DNAH7: variants seen among roughly 807,000 people sequenced by gnomAD.
The protein encoded by DNAH7 is axonemal beta dynein heavy chain 7.
Under a neutral mutation model 444.6 loss-of-function variants are expected in DNAH7, and 397 were observed. The ratio of observed to expected loss-of-function variants is 0.89; its 90% CI spans 0.82 to 0.97. The LOEUF is 0.97. Ranked by LOEUF, DNAH7 falls within the 50% of genes least tolerant of loss-of-function variation. The probability of loss-of-function intolerance (pLI) is 0.00; values close to 1 mark genes in which losing one functional copy is unlikely to be tolerated. For synonymous variants in DNAH7, 1,636 were observed against 1,624.4 expected, an observed-to-expected ratio of 1.01 and a Z score of -0.17; for missense variants, 4,902 against 4,800.8, an observed-to-expected ratio of 1.02 and a Z score of -0.62.
chr2:195,908,507 C>T (rs1433132275), intron 25 of DNAH7, among the ~76,000 whole-genome samples: 2 of 152,100 alleles, frequency 1.3e-5, no homozygotes, highest in African/African-American at 4.8e-5. Context: ...TTAGCGCCCA[C>T]TTATGAGTGA....
intron 19 of DNAH7, among the ~76,000 whole-genome samples, chr2:195,939,279 T>C (rs1040842238): frequency 1.3e-5 from 2 of 152,146 alleles, no homozygotes; most frequent in African/African-American, 4.8e-5. Context: ...CCATGTTTTA[T>C]GGAGTTAAAA....
chr2:195,940,192 A>G (rs1234852378), intron 19 of DNAH7, among the ~76,000 whole-genome samples: 1 of 152,212 alleles, frequency 6.6e-6, no homozygotes, highest in African/African-American at 2.4e-5. Flanking sequence ...CCAATGGAAC[A>G]GAACAGAGAC....
At chr2:195,964,937 A>C (rs1398610671) in intron 17 of DNAH7, among the ~76,000 whole-genome samples, 1 of 151,478 alleles carries the variant, frequency 6.6e-6, no homozygotes, top group Non-Finnish European at 1.5e-5. Context: ...CTTCCTTTCC[A>C]GTTTGGATGC....
intron 17 of DNAH7, among the ~76,000 whole-genome samples, chr2:195,961,694 GA>G (rs1691118628): frequency 2.0e-5 from 3 of 152,098 alleles, no homozygotes; most frequent in Admixed American, 6.6e-5. Context: ...CATATATAAA[GA>G]AAGAGTTTTT....
intron 63 of DNAH7, among the ~76,000 whole-genome samples, chr2:195,746,206 T>G (rs1693392748): frequency 1.5e-5 from 2 of 137,928 alleles, no homozygotes; most frequent in South Asian, 5.1e-4. Context: ...TCCTAGTCTC[T>G]GATAAAACAG....
intron 49 of DNAH7, among the ~76,000 whole-genome samples, chr2:195,821,401 C>G (rs1697464244): frequency 6.6e-6 from 1 of 152,110 alleles, no homozygotes; most frequent in Non-Finnish European, 1.5e-5. Flanking sequence ...TCTTTGCAAA[C>G]CTACCCCTGA....
Position 195,894,717 on chromosome 2 carries a change from T to C in DNAH7, c.4896+259A>G, listed in dbSNP as rs771970611. On this transcript the variant is annotated intron_variant, in intron 30 of 64. Transcript: ENST00000312428. ...TTCAGATTTTTCTGTTTTCAGACTT[T>C]TTTCTACAAGAGACATGTATTACTT... 21 of 246,412 alleles carry C rather than the reference T, an allele frequency of 8.5e-5. 1 individual carries two copies. Among genetic ancestry groups the C allele is most frequent in the Non-Finnish European group, 1.3e-4 (17 of 130,592 alleles). 15.3% of individuals were successfully genotyped at this position (246,412 alleles called of 1,614,324 possible). A position where few individuals can be genotyped will look rare whatever the true frequency, so the allele number is the denominator to read the frequency against.
At chr2:195,989,254 G>C (rs1015197986) in intron 12 of DNAH7, among the ~76,000 whole-genome samples, 8 of 152,112 alleles carry the variant, frequency 5.3e-5, no homozygotes, top group Middle Eastern at 3.2e-3. Flanking sequence ...ATTTTTTGAG[G>C]AACCTCCTTA....
intron 8 of DNAH7, among the ~76,000 whole-genome samples, chr2:196,019,831 G>T (rs949500745): frequency 2.6e-5 from 4 of 152,094 alleles, no homozygotes; most frequent in African/African-American, 9.7e-5. Flanking sequence ...CACATTTACA[G>T]TTAACCCTTG....
rs370849889 is a variant in DNAH7, at chr2:196,005,307, A to AATAT, written c.990-3453_990-3450dup. On this transcript the variant is annotated intron_variant, in intron 10 of 64. Coordinates refer to ENST00000312428, the MANE Select transcript of DNAH7 (RefSeq NM_018897.3). ...ACAAACAAACAAACAAACAAACAAA[A>AATAT]ATATATATATATATATAACTAAACT... 3.1e-4 allele frequency among the ~76,000 whole-genome samples: 46 copies of AATAT among 148,134 alleles called. No individual in the cohort carries two copies. The South Asian group carries it at 3.6e-3, about 12-fold the overall frequency.
At chr2:195,798,876 CA>C (rs970432540) in intron 55 of DNAH7, among the ~76,000 whole-genome samples, 2 of 151,982 alleles carry the variant, frequency 1.3e-5, no homozygotes, top group Non-Finnish European at 2.9e-5. Context: ...ACAGTGACCA[CA>C]ACGTACAATT....
At chr2:195,841,228 T>TTC (rs890042605) in intron 47 of DNAH7, among the ~76,000 whole-genome samples, 2 of 151,388 alleles carry the variant, frequency 1.3e-5, no homozygotes, top group African/African-American at 4.8e-5. Flanking sequence ...CTCTTTCTCT[T>TTC]TCTCTCTCTC....
rs551057664 is a variant in DNAH7 at position 195,805,249 on chromosome 2, A to G, written c.10176+1491T>C. Among the ~76,000 whole-genome samples, 35 of 152,280 alleles carry G rather than the reference A, an allele frequency of 2.3e-4. 1 individual carries two copies. In the South Asian group the frequency reaches 7.3e-3, roughly 32 times the overall value. ...CTTTTAATTAAACTTAATATAAAACACGAACTTTTTTTTTTAATATTGAGG... is the reference window on the plus strand; with the variant it reads ...CTTTTAATTAAACTTAATATAAAACGCGAACTTTTTTTTTTAATATTGAGG... On this transcript the variant is annotated intron_variant, in intron 54 of 64. Coordinates refer to ENST00000312428, the MANE Select transcript of DNAH7 (RefSeq NM_018897.3).
intron 54 of DNAH7, among the ~76,000 whole-genome samples, chr2:195,802,114 ATAAT>A (rs1344058840): frequency 6.6e-6 from 1 of 152,240 alleles, no homozygotes; most frequent in Non-Finnish European, 1.5e-5. Context: ...AAATCACAGA[ATAAT>A]TAATTCATCT....
chr2:195,785,200 C>T (rs935355501), intron 58 of DNAH7, among the ~76,000 whole-genome samples: 5 of 152,242 alleles, frequency 3.3e-5, no homozygotes, highest in Middle Eastern at 3.4e-3. Context: ...CGTGAGCCAC[C>T]GCACCCGGCC....
chr2:195,931,990 T>C lies in DNAH7; in HGVS notation c.3471+2601A>G, dbSNP rs192970357. ...CATTGGTACTTTGATGGGGATGGCA[T>C]TGAATCTATAAATTACCTTGGGCAG... On this transcript the variant is annotated intron_variant, in intron 21 of 64. Transcript: ENST00000312428. Among the ~76,000 whole-genome samples, 125 of 152,352 alleles carry C rather than the reference T, an allele frequency of 8.2e-4. 2 individuals are homozygous for C. The East Asian group carries it at 0.018, about 22-fold the overall frequency.
intron 40 of DNAH7, 128 bp from the exon 41 acceptor site, chr2:195,865,149 C>T (rs1700254145): frequency 2.5e-5 from 21 of 845,366 alleles, no homozygotes; most frequent in Non-Finnish European, 3.3e-5. Context: ...AAAAGTATAT[C>T]CAAATAATCA....
intron 63 of DNAH7, among the ~76,000 whole-genome samples, chr2:195,741,686 T>C (rs370887051): frequency 1.5e-4 from 23 of 152,202 alleles, no homozygotes; most frequent in African/African-American, 5.1e-4. Context: ...AATAGTAATA[T>C]CTGTTTTGTC....
intron 5 of DNAH7, among the ~76,000 whole-genome samples, chr2:196,044,993 G>A (rs751466330): frequency 6.6e-6 from 1 of 151,868 alleles, no homozygotes; most frequent in East Asian, 1.9e-4. Flanking sequence ...CTGAGCCCAG[G>A]GTGTCTAAGT....
Sources: gnomAD v4.1 joint callset for allele counts (sites outside exome capture counted in the v4.1 genomes callset) on GRCh38, gnomAD v4.1.1 for gene constraint, MANE v1.5 for transcripts, NCBI Gene and HGNC (gene_info 2026-07-23, HGNC 2026-07-21) for gene names.